The following PUS10 variants were observed in gnomAD, a reference collection of about 807,000 sequenced individuals.
PUS10 encodes pseudouridine synthase 10.
A neutral mutation model predicts 75.0 loss-of-function variants in PUS10; 59 were observed. That is an observed-to-expected ratio of 0.79 (90% CI 0.64 to 0.98). The LOEUF (loss-of-function observed/expected upper bound fraction) is 0.98, where lower values mean the gene tolerates loss of function less well. Among genes scored for constraint, PUS10 ranks in the 50% least tolerant of loss-of-function variants. The pLI is 0.00. For missense variants in PUS10, 650 were observed against 614.4 expected (o/e 1.06, Z -0.61); for synonymous variants, 219 against 211.6 (o/e 1.03, Z -0.30).
intron 4 of PUS10, among the ~76,000 whole-genome samples, chr2:60,984,015 C>A (rs567736583): frequency 1.3e-5 from 2 of 151,570 alleles, no homozygotes; most frequent in East Asian, 1.9e-4. Context: ...CAACTAAAAT[C>A]AAAAATAAAA....
Position 61,014,544 on chromosome 2 carries a change from G to A in PUS10, c.-15-2639C>T, listed in dbSNP as rs564184288. On this transcript the variant is annotated intron_variant, in intron 1 of 17. Transcript: ENST00000316752. ...GAAGGCAAATCTGTCTCCTGTTACC[G>A]GGAAGGAGGGGGTACTAAAAATTCA... 1.2e-4 allele frequency among the ~76,000 whole-genome samples: 18 copies of A among 152,240 alleles called. No homozygotes were observed. In the South Asian group the frequency reaches 2.1e-3, roughly 18 times the overall value.
chr2:60,945,964 GA>G (rs1674920727), intron 16 of PUS10, among the ~76,000 whole-genome samples: 1 of 152,148 alleles, frequency 6.6e-6, no homozygotes, highest in Non-Finnish European at 1.5e-5. Flanking sequence ...TCCAGATGAT[GA>G]AAAATCTATA....
chr2:60,967,746 A>G (rs146724257), intron 5 of PUS10, 133 bp from the exon 6 acceptor site: 18 of 565,232 alleles, frequency 3.2e-5, no homozygotes, highest in African/African-American at 1.8e-4. Flanking sequence ...TACACATTAA[A>G]TAGAAAGCAG....
At chr2:60,962,930 C>A in intron 8 of PUS10, 40 bp from the exon 9 acceptor site, 1 of 1,512,582 alleles carries the variant, frequency 6.6e-7, no homozygotes, top group Non-Finnish European at 8.8e-7. Flanking sequence ...ATTTTATTAT[C>A]CAGACAAGAA....
chr2:60,989,501 T>C (rs1674271827), intron 4 of PUS10, among the ~76,000 whole-genome samples: 1 of 152,200 alleles, frequency 6.6e-6, no homozygotes, highest in African/African-American at 2.4e-5. Flanking sequence ...GGCAGATTGC[T>C]AGATAGGAGA....
chr2:61,009,039 G>T (rs922176009), intron 2 of PUS10, 24 bp from the exon 3 acceptor site: 19 of 1,594,548 alleles, frequency 1.2e-5, no homozygotes, highest in Admixed American at 3.5e-5. Flanking sequence ...GAAAGAAAAA[G>T]TAATGACCCA....
At chr2:60,967,270 C>A (rs1676395477) in intron 6 of PUS10, 1 of 354,272 alleles carries the variant, frequency 2.8e-6, no homozygotes, top group Non-Finnish European at 5.1e-6. Context: ...AATTAGGGCA[C>A]CTGGTACCTT....
At chr2:60,995,689 G>A (rs1040095952) in intron 4 of PUS10, among the ~76,000 whole-genome samples, 2 of 152,080 alleles carry the variant, frequency 1.3e-5, no homozygotes, top group Non-Finnish European at 2.9e-5. Flanking sequence ...AATTTCACAG[G>A]GAAATCATTT....
intron 4 of PUS10, among the ~76,000 whole-genome samples, chr2:60,982,478 G>A (rs1677457802): frequency 6.6e-6 from 1 of 151,934 alleles, no homozygotes; most frequent in South Asian, 2.1e-4. Flanking sequence ...GGCCAGGCTG[G>A]TCTCAAACTC....
At position 60,955,074 on chromosome 2, in the gene PUS10, C is replaced by A. The variant is rs773849804; in HGVS notation, c.1001G>T (p.Ser334Ile). 6.9e-6 allele frequency: 11 copies of A among 1,589,164 alleles called. No individual in the cohort carries two copies. In the East Asian group the frequency reaches 2.2e-4, roughly 32 times the overall value. The change falls in exon 12 of 18, where the codon AGT becomes ATT. Residue 334 changes from serine to isoleucine, a missense_variant and splice_region_variant. Coordinates refer to ENST00000316752, the MANE Select transcript of PUS10 (RefSeq NM_144709.4). ...TCTTCCAGAGGATGAAAAATTAAAACCTTTGAAAAGCAGATAAAGAAAAAA... is the reference window on the plus strand; with the variant it reads ...TCTTCCAGAGGATGAAAAATTAAAAACTTTGAAAAGCAGATAAAGAAAAAA... Reference protein sequence around the residue: ...DHLLAVFKAESFNFSSSGRED... With the variant: ...DHLLAVFKAEIFNFSSSGRED...
At chr2:60,990,278 A>G (rs1460790274) in intron 4 of PUS10, among the ~76,000 whole-genome samples, 1 of 152,202 alleles carries the variant, frequency 6.6e-6, no homozygotes, top group Non-Finnish European at 1.5e-5. Context: ...TAGTGGATCA[A>G]CCCTCCTGAG....
rs1558874196 is a variant in PUS10, at chr2:60,953,128, A to T, written c.1191-14T>A. On this transcript the variant is annotated splice_polypyrimidine_tract_variant and intron_variant, in intron 14 of 17. Coordinates refer to ENST00000316752, the MANE Select transcript of PUS10 (RefSeq NM_144709.4). ...CCTATTGCCTCTCTAAACAAAAACA[A>T]TTTTTAGAAGTTTGTCCAAATAAAC... 3.6e-6 allele frequency: 5 copies of T among 1,401,332 alleles called. No homozygotes were observed. The South Asian group carries it at 3.7e-5, about 10-fold the overall frequency. The allele number at this position is 1,401,332 out of a possible 1,614,324, so 86.8% of individuals were successfully genotyped here.
At chr2:60,962,752 A>G in intron 9 of PUS10, 74 bp downstream of exon 9, 1 of 1,513,564 alleles carries the variant, frequency 6.6e-7, no homozygotes. Context: ...TTTCAGAGAT[A>G]ATCCAGCTTA....
chr2:60,994,451 T>C lies in PUS10; in HGVS notation c.468+12106A>G, dbSNP rs1465128802. On this transcript the variant is annotated intron_variant, in intron 4 of 17. Coordinates refer to ENST00000316752, the MANE Select transcript of PUS10 (RefSeq NM_144709.4). ...GACTTGAAATTCCTGAATTTTAAGA[T>C]AGGTGCTGTAATAAAATATTTGACT... Among the ~76,000 whole-genome samples the C allele has an allele frequency of 2.6e-5, 4 of 151,900 alleles. No homozygotes were observed. The East Asian group carries it at 7.7e-4, about 29-fold the overall frequency.
chr2:60,989,433 A>C (rs555885088), intron 4 of PUS10, among the ~76,000 whole-genome samples: 17 of 152,290 alleles, frequency 1.1e-4, no homozygotes, highest in Non-Finnish European at 2.1e-4. Context: ...GAGTAAACAT[A>C]GGCAGAAAGA....
intron 8 of PUS10, among the ~76,000 whole-genome samples, chr2:60,964,195 C>T (rs983090666): frequency 6.6e-6 from 1 of 152,198 alleles, no homozygotes; most frequent in Admixed American, 6.5e-5. Context: ...GTGCTGCTTT[C>T]GGCTTGGTCT....
intron 11 of PUS10, among the ~76,000 whole-genome samples, chr2:60,956,420 G>A (rs924611495): frequency 2.6e-5 from 4 of 152,186 alleles, no homozygotes; most frequent in African/African-American, 9.7e-5. Flanking sequence ...GGTCAGCCCC[G>A]TCAGGAAAAC....
chr2:61,011,462 T>C (rs1679592347), intron 2 of PUS10, among the ~76,000 whole-genome samples: 1 of 152,180 alleles, frequency 6.6e-6, no homozygotes, highest in Admixed American at 6.5e-5. Context: ...GGAAGCAATA[T>C]TTTGTGATAT....
intron 1 of PUS10, among the ~76,000 whole-genome samples, chr2:61,016,720 T>A (rs1375960237): frequency 6.6e-6 from 1 of 152,126 alleles, no homozygotes; most frequent in Non-Finnish European, 1.5e-5. Flanking sequence ...TTTTCACCTC[T>A]TGGACGATTA....
Sources: allele counts gnomAD v4.1 joint callset (sites outside exome capture counted in the v4.1 genomes callset), GRCh38; gene constraint gnomAD v4.1.1; transcripts MANE v1.5; gene names NCBI Gene and HGNC (gene_info 2026-07-23, HGNC 2026-07-21).